NEBL: variants seen among roughly 807,000 people sequenced by gnomAD.
NEBL encodes the protein LIM and SH3 protein 2.
In NEBL, 122 loss-of-function variants were observed where a neutral mutation model predicts 140.2. The ratio of observed to expected loss-of-function variants is 0.87; its 90% confidence interval spans 0.75 to 1.01. The LOEUF (loss-of-function observed/expected upper bound fraction) is 1.01. Among genes scored for constraint, NEBL ranks in the 50% least tolerant of loss-of-function variants. The pLI is 0.00. For synonymous variants in NEBL, 436 were observed against 398.9 expected (o/e 1.09, Z -1.11); for missense variants, 1,365 against 1,231.3 (o/e 1.11, Z -1.62).
At chr10:21,098,363 A>G (rs974350194) in intron 2 of NEBL, among the ~76,000 whole-genome samples, 2 of 152,208 alleles carry the variant, frequency 1.3e-5, no homozygotes, top group African/African-American at 4.8e-5. Context: ...TTGCAGCCCT[A>G]CAACTCTTCC....
rs555114316 is a variant in NEBL at position 21,228,231 on chromosome 10, AC to A, written n.348+19689del. ...TGCAGTGGGGCAATCACGACTCACTACACCCTCAAACTCCTGAAGTCACGCA... is the reference window on the plus strand; with the variant it reads ...TGCAGTGGGGCAATCACGACTCACTAACCCTCAAACTCCTGAAGTCACGCA... On this transcript the variant is annotated intron_variant and non_coding_transcript_variant, in intron 3 of 8. Coordinates refer to the NEBL transcript ENST00000675702. 3.0e-4 allele frequency among the ~76,000 whole-genome samples: 46 copies of A among 152,028 alleles called. 1 individual carries two copies. In the East Asian group the frequency reaches 7.4e-3, roughly 24 times the overall value.
intron 3 of NEBL, among the ~76,000 whole-genome samples, chr10:21,194,071 C>T (rs568767823): frequency 6.6e-6 from 1 of 152,228 alleles, no homozygotes; most frequent in East Asian, 1.9e-4. Flanking sequence ...AACTCCTGGG[C>T]TCAAGTGATC....
chr10:20,835,693 TA>T (rs888482931), intron 13 of NEBL, 70 bp from the exon 14 acceptor site: 7,897 of 884,578 alleles, frequency 8.9e-3, no homozygotes, highest in Non-Finnish European at 0.011. Flanking sequence ...TCAATGATAC[TA>T]AAAAAAAAAT....
At chr10:20,996,030 T>C (rs1028365703) in intron 3 of NEBL, among the ~76,000 whole-genome samples, 17 of 152,184 alleles carry the variant, frequency 1.1e-4, no homozygotes, top group African/African-American at 4.1e-4. Flanking sequence ...TTCACACAAC[T>C]TATCTTCGCC....
At chr10:21,125,728 A>T in intron 2 of NEBL, 1 of 893,906 alleles carries the variant, frequency 1.1e-6, no homozygotes, top group Non-Finnish European at 1.8e-6. Flanking sequence ...CTTTGAAGTC[A>T]CATGTGCTCC....
intron 2 of NEBL, among the ~76,000 whole-genome samples, chr10:21,123,322 T>C (rs2132049134): frequency 6.6e-6 from 1 of 152,336 alleles, no homozygotes; most frequent in Non-Finnish European, 1.5e-5. Context: ...ATTTCATAAT[T>C]TTCTTTCAAT....
At chr10:20,939,057 G>A (rs1834681372) in intron 4 of NEBL, among the ~76,000 whole-genome samples, 1 of 152,128 alleles carries the variant, frequency 6.6e-6, no homozygotes, top group Admixed American at 6.5e-5. Context: ...AGCAAGGCAG[G>A]CCAACATTCA....
chr10:21,026,542 A>G (rs1273979640), intron 2 of NEBL, among the ~76,000 whole-genome samples: 2 of 152,174 alleles, frequency 1.3e-5, no homozygotes, highest in Non-Finnish European at 2.9e-5. Context: ...CATATTCTAA[A>G]TCGATTATAT....
At chr10:20,819,338 A>G in intron 20 of NEBL, 86 bp downstream of exon 20, 1 of 1,599,312 alleles carries the variant, frequency 6.3e-7, no homozygotes, top group Non-Finnish European at 8.6e-7. Flanking sequence ...TTAGTTTGCT[A>G]AGGATAATGG....
intron 2 of NEBL, among the ~76,000 whole-genome samples, chr10:21,065,628 C>T (rs1157064881): frequency 3.9e-5 from 6 of 152,284 alleles, no homozygotes; most frequent in Admixed American, 1.3e-4. Context: ...CTGTCACATC[C>T]ACCTCTAGCA....
intron 4 of NEBL, among the ~76,000 whole-genome samples, chr10:20,960,518 A>G (rs571765142): frequency 1.8e-4 from 27 of 152,218 alleles, no homozygotes; most frequent in African/African-American, 6.5e-4. Context: ...AACAATGTGT[A>G]CTTTGCATCC....
chr10:21,281,261 C>T (rs939141260), intron 1 of NEBL, among the ~76,000 whole-genome samples: 9 of 152,134 alleles, frequency 5.9e-5, no homozygotes, highest in Admixed American at 5.9e-4. Context: ...ATATAGTGAG[C>T]TTCCAGCACA....
intron 3 of NEBL, among the ~76,000 whole-genome samples, chr10:21,013,195 C>T (rs1434271659): frequency 6.6e-6 from 1 of 152,132 alleles, no homozygotes; most frequent in African/African-American, 2.4e-5. Context: ...GGAAATGTAC[C>T]ACATCCAGTG....
At chr10:20,790,773 G>A (rs139559775) in intron 26 of NEBL, among the ~76,000 whole-genome samples, 65 of 152,240 alleles carry the variant, frequency 4.3e-4, no homozygotes, top group African/African-American at 1.5e-3. Flanking sequence ...AATAAAACAA[G>A]CAAAAGGAAA....
At chr10:21,118,952 C>T (rs1056481292) in intron 2 of NEBL, among the ~76,000 whole-genome samples, 2 of 152,148 alleles carry the variant, frequency 1.3e-5, no homozygotes, top group Non-Finnish European at 2.9e-5. Context: ...CACATTCATA[C>T]ACATCTTCTC....
intron 2 of NEBL, among the ~76,000 whole-genome samples, chr10:21,132,093 A>G (rs900617167): frequency 6.6e-6 from 1 of 152,172 alleles, no homozygotes; most frequent in African/African-American, 2.4e-5. Flanking sequence ...GAGCATTTTC[A>G]TCACCCCAAA....
chr10:21,076,879 C>A (rs193257421), intron 2 of NEBL, among the ~76,000 whole-genome samples: 123 of 151,840 alleles, frequency 8.1e-4, no homozygotes, highest in Non-Finnish European at 1.3e-3. Flanking sequence ...AGACAAATGG[C>A]CAGAGACAGA....
intron 4 of NEBL, among the ~76,000 whole-genome samples, chr10:20,927,112 C>T (rs1257035749): frequency 4.6e-5 from 7 of 151,994 alleles, no homozygotes; most frequent in Admixed American, 3.9e-4. Context: ...AGCTCAGGAG[C>T]GGAGGATAAC....
intron 2 of NEBL, among the ~76,000 whole-genome samples, chr10:21,098,326 A>G (rs991783324): frequency 6.6e-6 from 1 of 152,192 alleles, no homozygotes; most frequent in Non-Finnish European, 1.5e-5. Flanking sequence ...CACAAAAGAC[A>G]AAGATCAAAC....
Sources: allele counts gnomAD v4.1 joint callset (sites outside exome capture counted in the v4.1 genomes callset), GRCh38; gene constraint gnomAD v4.1.1; transcripts MANE v1.5; gene names NCBI Gene and HGNC (gene_info 2026-07-23, HGNC 2026-07-21).